The following PLXNA4 variants were observed in gnomAD, a reference collection of about 807,000 sequenced individuals.
PLXNA4 encodes the protein plexin A4, also known as plexin-A4.
In PLXNA4, 44 loss-of-function variants were observed where a neutral mutation model predicts 191.8. That is an observed-to-expected ratio of 0.23 (90% CI 0.18 to 0.29). The LOEUF (loss-of-function observed/expected upper bound fraction) is 0.29. PLXNA4 is among the 10% of genes least tolerant of loss of function. The pLI, the probability that PLXNA4 is intolerant of heterozygous loss-of-function variation, is 1.00. For missense variants in PLXNA4, 1,800 were observed against 2,488.8 expected, an observed-to-expected ratio of 0.72 and a Z score of 5.89; for synonymous variants, 1,082 against 1,009.5, an observed-to-expected ratio of 1.07 and a Z score of -1.36.
chr7:132,198,856 C>T (rs1434108918), intron 12 of PLXNA4, among the ~76,000 whole-genome samples: 1 of 152,168 alleles, frequency 6.6e-6, no homozygotes, highest in Non-Finnish European at 1.5e-5. Context: ...TATGCAAAGC[C>T]CATGGTACAT....
At chr7:132,132,927 G>A in intron 31 of PLXNA4, 122 bp downstream of exon 31, 5 of 1,414,726 alleles carry the variant, frequency 3.5e-6, no homozygotes, top group African/African-American at 1.4e-5. Context: ...GTCCTCAGTG[G>A]TGGTTCCCCC....
chr7:132,235,601 C>G (rs1798671760), intron 5 of PLXNA4, among the ~76,000 whole-genome samples: 1 of 152,110 alleles, frequency 6.6e-6, no homozygotes, highest in African/African-American at 2.4e-5. Flanking sequence ...CTTATCCTTC[C>G]CCTGTGATGT....
At chr7:132,295,463 AG>A (rs1399867247) in intron 4 of PLXNA4, among the ~76,000 whole-genome samples, 1 of 152,222 alleles carries the variant, frequency 6.6e-6, no homozygotes, top group Non-Finnish European at 1.5e-5. Context: ...CTTAGCCTGC[AG>A]ACACAGTGTG....
intron 7 of PLXNA4, 136 bp downstream of exon 7, chr7:132,227,315 C>T: frequency 4.2e-6 from 5 of 1,201,062 alleles, no homozygotes; most frequent in East Asian, 2.6e-5. Context: ...TCCCATAACA[C>T]ACCCACCATC....
At chr7:132,133,266 C>A in intron 30 of PLXNA4, 67 bp from the exon 31 acceptor site, 1 of 1,572,284 alleles carries the variant, frequency 6.4e-7, no homozygotes, top group South Asian at 1.2e-5. Flanking sequence ...GATGGATGCT[C>A]CCAGCACCGT....
chr7:132,195,083 T>C (rs1797213659), intron 13 of PLXNA4, among the ~76,000 whole-genome samples: 1 of 152,240 alleles, frequency 6.6e-6, no homozygotes, highest in Non-Finnish European at 1.5e-5. Flanking sequence ...TGTATATTTA[T>C]ATTTGTATTT....
At chr7:132,421,675 T>C (rs916107233) in intron 3 of PLXNA4, among the ~76,000 whole-genome samples, 4 of 151,860 alleles carry the variant, frequency 2.6e-5, no homozygotes, top group African/African-American at 9.7e-5. Flanking sequence ...AGATACAAAA[T>C]ATCAAACACA....
intron 1 of PLXNA4, among the ~76,000 whole-genome samples, chr7:132,536,481 G>A (rs542390996): frequency 9.8e-5 from 15 of 152,348 alleles, no homozygotes; most frequent in Middle Eastern, 3.4e-3. Flanking sequence ...CAGTGGTGCA[G>A]AAGGAAGGAG....
rs530020321 is a variant in PLXNA4 at position 132,183,512 on chromosome 7, T to A, written c.3159-1322A>T. Among the ~76,000 whole-genome samples the A allele has an allele frequency of 2.0e-5, 3 of 152,290 alleles. No individual in the cohort carries two copies. In the East Asian group the frequency reaches 5.8e-4, roughly 29 times the overall value. On this transcript the variant is annotated intron_variant, in intron 16 of 31. Transcript: ENST00000321063. Reference sequence around the variant, plus strand: ...TCCAACCTCCCTCCTAGTGGGAGCATGATGCAGGAATGGCAGCTGAGTGCC... The same window carrying A: ...TCCAACCTCCCTCCTAGTGGGAGCAAGATGCAGGAATGGCAGCTGAGTGCC...
At chr7:132,579,285 A>G (rs1802355294), upstream of PLXNA4, among the ~76,000 whole-genome samples, 1 of 152,030 alleles carries the variant, frequency 6.6e-6, no homozygotes, top group South Asian at 2.1e-4. Context: ...TCTGTTGGCC[A>G]CTCAGCTTTC....
At chr7:132,594,987 AG>A (rs67541256) in intron 2 of PLXNA4, among the ~76,000 whole-genome samples, 4,733 of 47,194 alleles carry the variant, frequency 0.1, 93 homozygotes, top group South Asian at 0.2. Context: ...ATAGATAGAT[AG>A]ATAGATAGAT....
intron 4 of PLXNA4, among the ~76,000 whole-genome samples, chr7:132,260,636 C>T (rs1017232375): frequency 6.7e-6 from 1 of 150,120 alleles, no homozygotes; most frequent in South Asian, 2.1e-4. Flanking sequence ...ACCCATGCAA[C>T]AAACTTGCAC....
In PLXNA4 at chr7:132,123,432, A is replaced by G. The variant is rs1376701618; in HGVS notation, c.*7047T>C. The G allele has an allele frequency of 6.6e-6, 1 of 152,198 alleles. No individual in the cohort carries two copies. Among genetic ancestry groups the G allele is most frequent in the Admixed American group, 6.5e-5 (1 of 15,288 alleles). 9.4% of individuals were successfully genotyped at this position (152,198 alleles called of 1,614,324 possible). A position where few individuals can be genotyped will look rare whatever the true frequency, so the allele number is the denominator to read the frequency against. On this transcript the variant is annotated 3_prime_UTR_variant, in exon 32 of 32. Coordinates refer to ENST00000321063, the MANE Select transcript of PLXNA4 (RefSeq NM_020911.2). ...CAAAATAGGAATGCCTTATATTTAC[A>G]TACACAGGTATACAATTAATTATAA...
At chr7:132,138,666 A>G (rs539014138) in intron 30 of PLXNA4, among the ~76,000 whole-genome samples, 26 of 152,318 alleles carry the variant, frequency 1.7e-4, no homozygotes, top group African/African-American at 5.8e-4. Context: ...AGTGGTTGCT[A>G]AGACACGAGT....
intron 3 of PLXNA4, among the ~76,000 whole-genome samples, chr7:132,315,715 G>A (rs1801917836): frequency 6.6e-6 from 1 of 152,198 alleles, no homozygotes; most frequent in South Asian, 2.1e-4. Flanking sequence ...CAATTCTGAG[G>A]AGTGTGCTTC....
intron 3 of PLXNA4, among the ~76,000 whole-genome samples, chr7:132,358,839 G>A (rs1803815396): frequency 6.6e-6 from 1 of 152,182 alleles, no homozygotes; most frequent in African/African-American, 2.4e-5. Context: ...GGACAGAGCA[G>A]GGTGATTGAG....
Position 132,124,663 on chromosome 7 carries a change from A to AAAGT in PLXNA4, c.*5812_*5815dup, listed in dbSNP as rs1794720561. ...GACCCATCCCTCACAGAGCCTCCTT[A>AAAGT]AAGTTTGAGGAAAGCTGATAAGAGA... On this transcript the variant is annotated 3_prime_UTR_variant, in exon 32 of 32. Coordinates refer to ENST00000321063, the MANE Select transcript of PLXNA4 (RefSeq NM_020911.2). 1 of 152,230 alleles carries AAAGT rather than the reference A, an allele frequency of 6.6e-6. No individual in the cohort carries two copies. The highest frequency in any genetic ancestry group is 1.5e-5 in the Non-Finnish European group (1 of 68,034). The allele number at this position is 152,230 out of a possible 1,614,324, so 9.4% of individuals were successfully genotyped here. A position where few individuals can be genotyped will look rare whatever the true frequency, so the allele number is the denominator to read the frequency against.
chr7:132,468,411 T>G (rs781358086), intron 3 of PLXNA4, among the ~76,000 whole-genome samples: 1 of 152,200 alleles, frequency 6.6e-6, no homozygotes, highest in African/African-American at 2.4e-5. Flanking sequence ...AATAATGTTA[T>G]TACCTTGCAC....
chr7:132,202,757 C>G lies in PLXNA4; in HGVS notation c.2475G>C (p.Trp825Cys). 6.2e-7 allele frequency: 1 copy of G among 1,612,136 alleles called. No individual in the cohort carries two copies. The highest frequency in any genetic ancestry group is 8.5e-7 in the Non-Finnish European group (1 of 1,179,144). Reference sequence around the variant, plus strand: ...GGGTGCACTGGCCTGGGCCCTGGCACCAGCCACATGCGAAGTCTGGGTCAG... The same window carrying G: ...GGGTGCACTGGCCTGGGCCCTGGCAGCAGCCACATGCGAAGTCTGGGTCAG... ...LKADPDFACG[W>C]CQGPGQCTLR... Residue 825 changes from tryptophan (W) to cysteine (C), a missense_variant, in exon 12 of 32, where the codon TGG (tryptophan) becomes TGC (cysteine). Coordinates refer to ENST00000321063, the MANE Select transcript of PLXNA4 (RefSeq NM_020911.2).
Sources: allele counts gnomAD v4.1 joint callset (sites outside exome capture counted in the v4.1 genomes callset), GRCh38; gene constraint gnomAD v4.1.1; transcripts MANE v1.5; gene names NCBI Gene and HGNC (gene_info 2026-07-23, HGNC 2026-07-21).